Variants in IPO11 observed in about 807,000 individuals in gnomAD.
IPO11 encodes the protein importin 11, also known as importin-11.
A neutral mutation model predicts 143.2 loss-of-function variants in IPO11; 66 were observed. That is an observed-to-expected ratio of 0.46 (90% CI 0.38 to 0.57). The LOEUF (loss-of-function observed/expected upper bound fraction) is 0.57, where lower values mean the gene tolerates loss of function less well. IPO11 is among the 20% of genes least tolerant of loss of function. IPO11 has a pLI of 0.00. For missense variants in IPO11, 1,026 were observed against 1,141.0 expected, an observed-to-expected ratio of 0.90 and a Z score of 1.45; for synonymous variants, 385 against 377.8, an observed-to-expected ratio of 1.02 and a Z score of -0.22.
At chr5:62,586,768 A>AAAAATATATAT (rs1554057003) in intron 27 of IPO11, among the ~76,000 whole-genome samples, 1 of 28,910 alleles carries the variant, frequency 3.5e-5, no homozygotes, top group African/African-American at 1.3e-4. Context: ...AAAAAAAAAA[A>AAAAATATATAT]ATATATATAT....
intron 29 of IPO11, among the ~76,000 whole-genome samples, chr5:62,616,254 G>T (rs917016446): frequency 5.9e-5 from 9 of 152,172 alleles, no homozygotes; most frequent in Non-Finnish European, 1.3e-4. Flanking sequence ...GATGGGCAGG[G>T]TGGGCAGGAG....
intron 5 of IPO11, among the ~76,000 whole-genome samples, chr5:62,452,696 GAC>G (rs1185742240): frequency 7.1e-6 from 1 of 141,578 alleles, no homozygotes; most frequent in Non-Finnish European, 1.5e-5. Flanking sequence ...TATGTTTTGA[GAC>G]AGGGTTTTGT....
intron 19 of IPO11, among the ~76,000 whole-genome samples, chr5:62,514,843 A>G (rs979704683): frequency 6.6e-5 from 10 of 152,192 alleles, no homozygotes; most frequent in African/African-American, 2.2e-4. Flanking sequence ...GAGCTTAGCA[A>G]TTTTATCCTT....
intron 7 of IPO11, among the ~76,000 whole-genome samples, chr5:62,473,981 A>G (rs1488067982): frequency 6.6e-6 from 1 of 152,164 alleles, no homozygotes; most frequent in Non-Finnish European, 1.5e-5. Context: ...ACGATGTTTC[A>G]GGATTCTGGA....
chr5:62,483,077 TTTTA>T lies in IPO11; in HGVS notation c.829-12_829-9del, dbSNP rs772596657. Reference sequence around the variant, plus strand: ...GAATTTGGGGAAAATACATTTTAATTTTTATTTATTTATTTTTCTACAGCTTTTG... The same window carrying T: ...GAATTTGGGGAAAATACATTTTAATTTTTATTTATTTTTCTACAGCTTTTG... On this transcript the variant is annotated intron_variant, in intron 9 of 29. Coordinates refer to ENST00000325324, the MANE Select transcript of IPO11 (RefSeq NM_016338.5). 1.3e-5 allele frequency: 19 copies of T among 1,408,934 alleles called. No homozygotes were observed. Among genetic ancestry groups the T allele is most frequent in the Admixed American group, 2.0e-5 (1 of 49,018 alleles). 87.3% of individuals were successfully genotyped at this position (1,408,934 alleles called of 1,614,324 possible). A position where few individuals can be genotyped will look rare whatever the true frequency, so the allele number is the denominator to read the frequency against.
intron 29 of IPO11, among the ~76,000 whole-genome samples, chr5:62,624,999 A>G (rs1323684729): frequency 1.3e-5 from 2 of 151,558 alleles, no homozygotes; most frequent in Non-Finnish European, 2.9e-5. Context: ...AAAAAAAAAA[A>G]AGATGGAGTT....
At chr5:62,495,709 G>A (rs1195181634) in intron 16 of IPO11, among the ~76,000 whole-genome samples, 1 of 152,006 alleles carries the variant, frequency 6.6e-6, no homozygotes, top group Non-Finnish European at 1.5e-5. Flanking sequence ...GGACTCAAAC[G>A]ATTCACCCAC....
At chr5:62,565,989 T>C (rs569972236) in intron 27 of IPO11, among the ~76,000 whole-genome samples, 2 of 152,320 alleles carry the variant, frequency 1.3e-5, no homozygotes, top group South Asian at 4.1e-4. Flanking sequence ...TAGTATTCCA[T>C]GGTGTATATG....
chr5:62,435,204 A>G (rs1464446416), intron 1 of IPO11, among the ~76,000 whole-genome samples: 1 of 99,306 alleles, frequency 1.0e-5, no homozygotes, highest in Admixed American at 1.1e-4. Context: ...ATATATGTAT[A>G]TATATGTGTA....
rs779711571 is a variant in IPO11 at position 62,453,552 on chromosome 5, A to G, written c.516+1619A>G. Among the ~76,000 whole-genome samples the G allele has an allele frequency of 1.9e-4, 29 of 152,096 alleles. 2 individuals are homozygous for G. Among genetic ancestry groups the G allele is most frequent in the Non-Finnish European group, 2.9e-4 (20 of 68,012 alleles). ...GCCAACTTTTTGTTCTGAGGACTCA[A>G]TTTTGTCTTGGGCTCACAGTGTAGA... On this transcript the variant is annotated intron_variant, in intron 5 of 29. Coordinates refer to ENST00000325324, the MANE Select transcript of IPO11 (RefSeq NM_016338.5).
chr5:62,600,087 G>T (rs921689013), intron 28 of IPO11, among the ~76,000 whole-genome samples: 1 of 152,166 alleles, frequency 6.6e-6, no homozygotes, highest in Non-Finnish European at 1.5e-5. Flanking sequence ...TGCCCAGTCT[G>T]GAGTGCAGTG....
chr5:62,590,955 T>C (rs1024064330), intron 27 of IPO11, among the ~76,000 whole-genome samples: 4 of 152,166 alleles, frequency 2.6e-5, no homozygotes, highest in African/African-American at 7.2e-5. Flanking sequence ...CAGGTCTCTC[T>C]GTGTTGTCCA....
intron 28 of IPO11, 64 bp from the exon 29 acceptor site, chr5:62,601,700 A>G: frequency 1.3e-6 from 1 of 746,510 alleles, no homozygotes; most frequent in Non-Finnish European, 2.0e-6. Flanking sequence ...GATTTTAAGG[A>G]CTTATTTTTA....
At chr5:62,580,140 T>G in intron 27 of IPO11, 1 of 1,550,788 alleles carries the variant, frequency 6.4e-7, no homozygotes, top group Non-Finnish European at 8.7e-7. Flanking sequence ...GAAGACTTTC[T>G]TTGTCTCATA....
chr5:62,577,878 TATC>T (rs1485912026), intron 27 of IPO11, among the ~76,000 whole-genome samples: 2 of 152,248 alleles, frequency 1.3e-5, no homozygotes, highest in Middle Eastern at 3.4e-3. Context: ...TTAGGAATAT[TATC>T]AGGCTATTAG....
At chr5:62,506,137 A>T in intron 18 of IPO11, 104 bp from the exon 19 acceptor site, 2 of 571,982 alleles carry the variant, frequency 3.5e-6, no homozygotes, top group Non-Finnish European at 6.0e-6. Flanking sequence ...TATTTGACTT[A>T]CTGCTTTGAC....
At chr5:62,527,982 C>A (rs1382239646) in intron 21 of IPO11, among the ~76,000 whole-genome samples, 2 of 152,064 alleles carry the variant, frequency 1.3e-5, no homozygotes, top group African/African-American at 4.8e-5. Context: ...TAATTCCTAC[C>A]CTTACATGGT....
intron 5 of IPO11, among the ~76,000 whole-genome samples, chr5:62,463,865 G>T (rs1252257210): frequency 6.7e-6 from 1 of 149,186 alleles, no homozygotes; most frequent in Non-Finnish European, 1.5e-5. Context: ...GCTCTGTTAC[G>T]CAGGCTGGAG....
chr5:62,541,017 A>G (rs536388754), intron 24 of IPO11, among the ~76,000 whole-genome samples: 1 of 152,332 alleles, frequency 6.6e-6, no homozygotes, highest in South Asian at 2.1e-4. Context: ...TGTTTATACA[A>G]TGATGGTATA....
Sources: allele counts gnomAD v4.1 joint callset (sites outside exome capture counted in the v4.1 genomes callset), GRCh38; gene constraint gnomAD v4.1.1; transcripts MANE v1.5; gene names NCBI Gene and HGNC (gene_info 2026-07-23, HGNC 2026-07-21).